The following FAM107B variants were observed in gnomAD, a reference collection of about 807,000 sequenced individuals.
FAM107B encodes the protein family with sequence similarity 107 member B, also known as protein FAM107B.
FAM107B carries 21 observed loss-of-function variants against 31.5 expected under a neutral mutation model. The observed-to-expected ratio is 0.67, with a 90% CI of 0.47 to 0.96. FAM107B has a LOEUF of 0.96. Ranked by LOEUF, FAM107B falls within the 40% of genes least tolerant of loss-of-function variation. The pLI, the probability that FAM107B is intolerant of heterozygous loss-of-function variation, is 0.00. For missense variants in FAM107B, 452 were observed against 377.1 expected (o/e 1.20, Z -1.64); for synonymous variants, 157 against 141.5 (o/e 1.11, Z -0.78).
intron 2 of FAM107B, among the ~76,000 whole-genome samples, chr10:14,583,807 C>T (rs1357052452): frequency 1.3e-5 from 2 of 152,172 alleles, no homozygotes; most frequent in Non-Finnish European, 2.9e-5. Context: ...GAAGAATCTT[C>T]TATAGGCGAA....
rs146211676 is a variant in FAM107B at position 14,558,256 on chromosome 10, C to T, written c.470-27741G>A. On this transcript the variant is annotated intron_variant, in intron 2 of 4. Coordinates refer to ENST00000181796, the MANE Select transcript of FAM107B (RefSeq NM_031453.4). ...ATGCGCACACTCACATACGTGCACG[C>T]GCACAGTCACACATACGTGCACGCA... is the stretch of plus-strand genomic sequence containing the variant. 5.9e-3 allele frequency among the ~76,000 whole-genome samples: 901 copies of T among 152,258 alleles called. 1 individual carries two copies. Among genetic ancestry groups the T allele is most frequent in the Non-Finnish European group, 8.6e-3 (582 of 68,018 alleles).
chr10:14,731,013 C>T (rs1466504219), intron 1 of FAM107B, among the ~76,000 whole-genome samples: 1 of 152,124 alleles, frequency 6.6e-6, no homozygotes, highest in Non-Finnish European at 1.5e-5. Context: ...GTGCTGTCAC[C>T]ATGACTGGAA....
chr10:14,632,532 A>G (rs1215386911), intron 2 of FAM107B, among the ~76,000 whole-genome samples: 6 of 149,204 alleles, frequency 4.0e-5, no homozygotes, highest in Non-Finnish European at 8.9e-5. Context: ...AATGGCGTGA[A>G]CCCGGGAGGC....
intron 1 of FAM107B, among the ~76,000 whole-genome samples, chr10:14,748,313 AT>A (rs1832765921): frequency 6.6e-6 from 1 of 152,198 alleles, no homozygotes; most frequent in African/African-American, 2.4e-5. Flanking sequence ...GTCAGCTCTA[AT>A]AGAGGGTAGT....
At chr10:14,576,553 A>AACAACAACAACAAC (rs1564582586) in intron 2 of FAM107B, among the ~76,000 whole-genome samples, 2,720 of 105,870 alleles carry the variant, frequency 0.026, 85 homozygotes, top group African/African-American at 0.081. Flanking sequence ...ACAACAACAA[A>AACAACAACAACAAC]AAGCCACTGA....
At chr10:14,586,340 T>G (rs768000097) in intron 2 of FAM107B, among the ~76,000 whole-genome samples, 1 of 152,146 alleles carries the variant, frequency 6.6e-6, no homozygotes, top group Non-Finnish European at 1.5e-5. Context: ...GAAAAAAATA[T>G]ATGAGATGAG....
At chr10:14,697,603 A>G (rs1298974610) in intron 1 of FAM107B, among the ~76,000 whole-genome samples, 4 of 152,232 alleles carry the variant, frequency 2.6e-5, no homozygotes, top group Non-Finnish European at 5.9e-5. Context: ...CTTTACCTCT[A>G]GGACAAATAC....
At chr10:14,720,568 T>C (rs1411287599) in intron 1 of FAM107B, among the ~76,000 whole-genome samples, 2 of 152,234 alleles carry the variant, frequency 1.3e-5, no homozygotes, top group African/African-American at 4.8e-5. Flanking sequence ...TTTGGTCTTT[T>C]TAAAGTAAAT....
chr10:14,719,133 C>T (rs1167860488), intron 1 of FAM107B, among the ~76,000 whole-genome samples: 1 of 152,198 alleles, frequency 6.6e-6, no homozygotes, highest in Non-Finnish European at 1.5e-5. Flanking sequence ...AGGGCTTCAG[C>T]TGTCAGACCA....
chr10:14,749,323 G>A (rs779541251), intron 1 of FAM107B, among the ~76,000 whole-genome samples: 16 of 152,120 alleles, frequency 1.1e-4, no homozygotes, highest in Non-Finnish European at 1.2e-4. Flanking sequence ...GGTGACTGCC[G>A]GATGGAAGGC....
At chr10:14,748,256 G>A (rs751541219) in intron 1 of FAM107B, among the ~76,000 whole-genome samples, 12 of 152,220 alleles carry the variant, frequency 7.9e-5, no homozygotes, top group Non-Finnish European at 1.6e-4. Flanking sequence ...TACGTTGAAA[G>A]AATGAGTGAA....
intron 1 of FAM107B, among the ~76,000 whole-genome samples, chr10:14,764,563 AGT>A (rs1172753710): frequency 6.6e-6 from 1 of 152,212 alleles, no homozygotes; most frequent in African/African-American, 2.4e-5. Flanking sequence ...TACAAAACCA[AGT>A]GTCAATCTTA....
At chr10:14,522,138 C>T in intron 3 of FAM107B, 119 bp from the exon 4 acceptor site, 2 of 1,305,444 alleles carry the variant, frequency 1.5e-6, no homozygotes, top group Non-Finnish European at 2.1e-6. Context: ...TAGTATGATA[C>T]CTACTAGGCT....
chr10:14,544,962 A>C (rs1353877973), intron 2 of FAM107B, among the ~76,000 whole-genome samples: 1 of 152,212 alleles, frequency 6.6e-6, no homozygotes, highest in African/African-American at 2.4e-5. Flanking sequence ...GTGTCATCCC[A>C]GGGTCCGAGG....
intron 1 of FAM107B, among the ~76,000 whole-genome samples, chr10:14,685,169 G>A (rs139811295): frequency 0.058 from 8,053 of 139,970 alleles, 332 homozygotes; most frequent in Non-Finnish European, 0.091. Flanking sequence ...TTTTTTTTGA[G>A]ACAGGTTCTT....
At chr10:14,579,476 G>A (rs1447007660) in intron 2 of FAM107B, among the ~76,000 whole-genome samples, 1 of 152,226 alleles carries the variant, frequency 6.6e-6, no homozygotes, top group African/African-American at 2.4e-5. Context: ...ACCAGTGAGA[G>A]GGTCATCTCA....
intron 1 of FAM107B, among the ~76,000 whole-genome samples, chr10:14,696,035 G>A (rs1855256985): frequency 6.6e-6 from 1 of 152,238 alleles, no homozygotes; most frequent in South Asian, 2.1e-4. Context: ...AGAAGTGAGA[G>A]TGGGCATCCT....
intron 2 of FAM107B, among the ~76,000 whole-genome samples, chr10:14,537,418 C>T (rs2094233): frequency 0.26 from 40,109 of 152,150 alleles, 5,883 homozygotes; most frequent in Middle Eastern, 0.33. Context: ...GGTGGGGCAA[C>T]CCGCATCTGC....
chr10:14,541,417 C>A (rs1281566713), intron 2 of FAM107B, among the ~76,000 whole-genome samples: 3 of 152,186 alleles, frequency 2.0e-5, no homozygotes, highest in African/African-American at 7.2e-5. Context: ...CTCTAGGCAG[C>A]CAGTACACAC....
Sources: allele counts gnomAD v4.1 joint callset (sites outside exome capture counted in the v4.1 genomes callset), GRCh38; gene constraint gnomAD v4.1.1; transcripts MANE v1.5; gene names NCBI Gene and HGNC (gene_info 2026-07-23, HGNC 2026-07-21).